The following TNRC6A variants were observed in gnomAD, a reference collection of about 807,000 sequenced individuals.
TNRC6A encodes trinucleotide repeat containing adaptor 6A.
Under a neutral mutation model 221.2 loss-of-function variants are expected in TNRC6A, and 44 were observed. That is an observed-to-expected ratio of 0.20 (90% CI 0.16 to 0.26). The LOEUF (loss-of-function observed/expected upper bound fraction) is 0.26, where lower values mean the gene tolerates loss of function less well. TNRC6A is among the 10% of genes least tolerant of loss of function. TNRC6A has a pLI of 1.00. For synonymous variants in TNRC6A, 847 were observed against 838.5 expected, an observed-to-expected ratio of 1.01 and a Z score of -0.18; for missense variants, 2,199 against 2,404.4, an observed-to-expected ratio of 0.91 and a Z score of 1.79.
At position 24,714,641 on chromosome 16, in the gene TNRC6A, C is replaced by T. The variant is rs193104407; in HGVS notation, n.403-36085C>T. On this transcript the variant is annotated intron_variant and non_coding_transcript_variant, in intron 2 of 2. Coordinates refer to the TNRC6A transcript ENST00000566108. The stretch of plus-strand genomic sequence containing the variant: ...TTATCCAATTCTGTGCTTTTTTCTT[C>T]TCAGACATTGTAGTTTTTACCTCCA... Among the ~76,000 whole-genome samples, 352 of 152,214 alleles carry T rather than the reference C, an allele frequency of 2.3e-3. 1 individual carries two copies. The highest frequency in any genetic ancestry group is 8.1e-3 in the African/African-American group (336 of 41,550).
chr16:24,660,662 C>A (rs1368401578), intron 2 of TNRC6A, among the ~76,000 whole-genome samples: 1 of 151,876 alleles, frequency 6.6e-6, no homozygotes, highest in Non-Finnish European at 1.5e-5. Context: ...TAGGTTGCCT[C>A]CCTTAACCTT....
chr16:24,669,941 C>CTTTTTTTTTTTTTTT (rs535737725), intron 2 of TNRC6A, among the ~76,000 whole-genome samples: 838 of 27,190 alleles, frequency 0.031, 305 homozygotes, highest in South Asian at 0.042. Context: ...GAGGCAGCTA[C>CTTTTTTTTTTTTTTT]TTTTTTTTTT....
At chr16:24,658,798 ATTTTC>A (rs2054970442) in intron 2 of TNRC6A, among the ~76,000 whole-genome samples, 1 of 150,818 alleles carries the variant, frequency 6.6e-6, no homozygotes, top group African/African-American at 2.4e-5. Flanking sequence ...TTTTTTGTGT[ATTTTC>A]TTTTCTTTTT....
At chr16:24,730,535 CTTAG>C (rs895269653) in intron 2 of TNRC6A, among the ~76,000 whole-genome samples, 10 of 149,556 alleles carry the variant, frequency 6.7e-5, no homozygotes, top group African/African-American at 1.2e-4. Flanking sequence ...TTCTTGTAAA[CTTAG>C]TTAAAGCATT....
intron 3 of TNRC6A, among the ~76,000 whole-genome samples, chr16:24,753,616 G>A (rs1184886649): frequency 1.3e-5 from 2 of 152,170 alleles, no homozygotes; most frequent in Admixed American, 1.3e-4. Context: ...CCCATATGAG[G>A]AATTGTGAGT....
At chr16:24,713,925 C>T (rs573896107) in intron 2 of TNRC6A, among the ~76,000 whole-genome samples, 2 of 152,284 alleles carry the variant, frequency 1.3e-5, no homozygotes, top group East Asian at 1.9e-4. Context: ...GGATTACAGG[C>T]GTGAGGCAGC....
chr16:24,819,482 TTTC>T (rs1288556855), intron 21 of TNRC6A: 8 of 151,966 alleles, frequency 5.3e-5, no homozygotes, highest in Non-Finnish European at 1.2e-4. Context: ...TTTCCTTTCC[TTTC>T]TTCTTCCCTC....
Position 24,793,560 on chromosome 16 carries a change from G to A in TNRC6A, c.3263G>A (p.Gly1088Asp). The A allele has an allele frequency of 1.3e-6, 2 of 1,573,666 alleles. No individual in the cohort carries two copies. The highest frequency in any genetic ancestry group is 1.7e-6 in the Non-Finnish European group (2 of 1,159,122). The change falls in exon 7 of 25, where the codon GGT (glycine) becomes GAT (aspartate). Residue 1088 changes from glycine (G) to aspartate (D), a missense_variant. Physicochemically the swap from Gly to Asp is moderately conservative, Grantham distance 94. This residue lies in a region of TNRC6A where 1,405 missense variants were observed against 1,400.2 expected (regional missense o/e 1.00). Transcript: ENST00000395799. ...GCATGGGGTAAGCCCATAGACAGTG[G>A]TCCCAGCTGGGGGGAACCCATTGCT... ...TSAWGKPIDS[G>D]PSWGEPIAAA... is the part of the protein sequence containing the mutation.
chr16:24,769,642 C>T (rs1371553292), intron 4 of TNRC6A, among the ~76,000 whole-genome samples: 1 of 152,160 alleles, frequency 6.6e-6, no homozygotes, highest in African/African-American at 2.4e-5. Context: ...TCTTGTCCTG[C>T]TCTCTCCATG....
chr16:24,703,430 G>C (rs1282682449), intron 2 of TNRC6A, among the ~76,000 whole-genome samples: 3 of 152,132 alleles, frequency 2.0e-5, no homozygotes, highest in African/African-American at 7.2e-5. Flanking sequence ...GCTAAATTTT[G>C]TTAGCTAGAT....
intron 2 of TNRC6A, among the ~76,000 whole-genome samples, chr16:24,678,328 AT>A (rs1177799164): frequency 1.4e-4 from 21 of 151,288 alleles, no homozygotes; most frequent in African/African-American, 4.9e-4. Context: ...AAAAAAAAAA[AT>A]AGGCTATGGC....
intron 2 of TNRC6A, among the ~76,000 whole-genome samples, chr16:24,650,308 A>G (rs1902566925): frequency 6.6e-6 from 1 of 152,234 alleles, no homozygotes; most frequent in Non-Finnish European, 1.5e-5. Flanking sequence ...GGTAACATGC[A>G]ATTCATACTG....
At chr16:24,795,962 C>T in intron 9 of TNRC6A, 23 bp downstream of exon 9, 1 of 1,613,004 alleles carries the variant, frequency 6.2e-7, no homozygotes, top group South Asian at 1.1e-5. Flanking sequence ...TTTACTCTTT[C>T]TCCTTTGTTT....
At position 24,824,769 on chromosome 16, in the gene TNRC6A, T is replaced by TAAAAAAAAAAAAAAAAA. The variant is rs35913858; in HGVS notation, c.*963_*979dup. On this transcript the variant is annotated 3_prime_UTR_variant, in exon 25 of 25. Coordinates refer to ENST00000395799, the MANE Select transcript of TNRC6A (RefSeq NM_014494.4). Reference sequence around the variant, plus strand: ...TCTCAGGAAAACCAGTTCCCCAGTTTAAAAAAAAAAAAAAAAATTCCTTGT... The same window carrying TAAAAAAAAAAAAAAAAA: ...TCTCAGGAAAACCAGTTCCCCAGTTTAAAAAAAAAAAAAAAAAAAAAAAAAAAAAAAAAATTCCTTGT... 1 of 135,612 alleles carries TAAAAAAAAAAAAAAAAA rather than the reference T, an allele frequency of 7.4e-6. No homozygotes were observed. Among genetic ancestry groups the TAAAAAAAAAAAAAAAAA allele is most frequent in the Non-Finnish European group, 1.6e-5 (1 of 62,502 alleles). 8.4% of individuals were successfully genotyped at this position (135,612 alleles called of 1,614,324 possible). A position where few individuals can be genotyped will look rare whatever the true frequency, so the allele number is the denominator to read the frequency against.
intron 2 of TNRC6A, among the ~76,000 whole-genome samples, chr16:24,685,358 A>G (rs1020825509): frequency 2.0e-5 from 3 of 152,114 alleles, no homozygotes; most frequent in Admixed American, 6.6e-5. Flanking sequence ...GGGGAGAGAC[A>G]AGACCTTACT....
intron 2 of TNRC6A, among the ~76,000 whole-genome samples, chr16:24,642,134 A>G (rs1020345515): frequency 6.6e-6 from 1 of 152,188 alleles, no homozygotes; most frequent in African/African-American, 2.4e-5. Context: ...ACAGGACCAG[A>G]TTCCTGGGGG....
chr16:24,779,724 G>A (rs936334231), intron 5 of TNRC6A, among the ~76,000 whole-genome samples: 1 of 152,194 alleles, frequency 6.6e-6, no homozygotes. Flanking sequence ...TAAACAGCGT[G>A]CACAGTAGCC....
At chr16:24,648,483 G>A (rs1016698859) in intron 2 of TNRC6A, among the ~76,000 whole-genome samples, 1 of 151,760 alleles carries the variant, frequency 6.6e-6, no homozygotes, top group Non-Finnish European at 1.5e-5. Flanking sequence ...TGTTAGCCAG[G>A]ATGGTCTCGA....
chr16:24,635,008 G>A lies in TNRC6A; in HGVS notation n.277-5876G>A, dbSNP rs537550416. On this transcript the variant is annotated intron_variant and non_coding_transcript_variant, in intron 1 of 2. Coordinates refer to the TNRC6A transcript ENST00000566108. The stretch of plus-strand genomic sequence containing the variant: ...AGGGTCTTGCTATGTTGCCCAGGCT[G>A]GTCTTGAACTCCTGCCTCAGCCTCC... Among the ~76,000 whole-genome samples, 9 of 152,162 alleles carry A rather than the reference G, an allele frequency of 5.9e-5. 1 individual carries two copies. The highest frequency in any genetic ancestry group is 1.9e-4 in the African/African-American group (8 of 41,530).
Sources: gnomAD v4.1 joint callset for allele counts (sites outside exome capture counted in the v4.1 genomes callset) on GRCh38, gnomAD v4.1.1 for gene constraint, gnomAD v4.1.1 regional missense constraint, MANE v1.5 for transcripts, NCBI Gene and HGNC (gene_info 2026-07-23, HGNC 2026-07-21) for gene names.